Variants in PITPNM2 observed in about 807,000 individuals in gnomAD.
PITPNM2 encodes membrane-associated phosphatidylinositol transfer protein 2.
A neutral mutation model predicts 132.2 loss-of-function variants in PITPNM2; 35 were observed. That is an observed-to-expected ratio of 0.26 (90% CI 0.20 to 0.35). The LOEUF (loss-of-function observed/expected upper bound fraction) is 0.35, where lower values mean the gene tolerates loss of function less well. Ranked by LOEUF, PITPNM2 falls within the 10% of genes least tolerant of loss-of-function variation. The pLI is 1.00. For missense variants in PITPNM2, 1,332 were observed against 1,912.0 expected, an observed-to-expected ratio of 0.70 and a Z score of 5.66; for synonymous variants, 738 against 799.2, an observed-to-expected ratio of 0.92 and a Z score of 1.29.
intron 3 of PITPNM2, among the ~76,000 whole-genome samples, chr12:123,015,948 A>C (rs2039409900): frequency 6.6e-6 from 1 of 152,218 alleles, no homozygotes; most frequent in African/African-American, 2.4e-5. Context: ...TTGAATAGCC[A>C]TTTCTCCAAA....
At chr12:123,049,263 G>A (rs967085842) in intron 2 of PITPNM2, among the ~76,000 whole-genome samples, 1 of 152,218 alleles carries the variant, frequency 6.6e-6, no homozygotes, top group Non-Finnish European at 1.5e-5. Flanking sequence ...TCCCAAGCGT[G>A]CTTGTCCAGG....
rs939863275 is a variant in PITPNM2, at chr12:123,008,012, A to G, written c.643+1838T>C. Reference sequence around the variant, plus strand: ...ACACCCCATCTTCAGTTCTGAACCCACGGTCTCGGCCCACAACAGTCCGAT... The same window carrying G: ...ACACCCCATCTTCAGTTCTGAACCCGCGGTCTCGGCCCACAACAGTCCGAT... On this transcript the variant is annotated intron_variant, in intron 6 of 25. Coordinates refer to ENST00000320201, the MANE Select transcript of PITPNM2 (RefSeq NM_020845.3). The surrounding 1 kb of genome is among the most constrained non-coding windows in gnomAD (Gnocchi z 4.1). Among the ~76,000 whole-genome samples, 3 of 152,114 alleles carry G rather than the reference A, an allele frequency of 2.0e-5. No individual in the cohort carries two copies. Among genetic ancestry groups the G allele is most frequent in the Non-Finnish European group, 4.4e-5 (3 of 68,030 alleles).
chr12:122,998,244 G>A (rs764864380), intron 10 of PITPNM2, among the ~76,000 whole-genome samples: 17 of 152,292 alleles, frequency 1.1e-4, no homozygotes, highest in Admixed American at 3.3e-4. Context: ...TGGTGGGGAC[G>A]GAGCCCCAGC....
intron 1 of PITPNM2, among the ~76,000 whole-genome samples, chr12:123,119,094 T>C (rs76439963): frequency 1.5e-3 from 221 of 152,246 alleles, no homozygotes; most frequent in African/African-American, 5.1e-3. Flanking sequence ...AGCCTAACTA[T>C]TCCCTTTACC....
At chr12:123,038,262 C>G (rs954840508) in intron 2 of PITPNM2, among the ~76,000 whole-genome samples, 1 of 152,186 alleles carries the variant, frequency 6.6e-6, no homozygotes, top group East Asian at 1.9e-4. Flanking sequence ...ATAAATCGTT[C>G]TATATCTTAC....
At position 123,010,125 on chromosome 12, in the gene PITPNM2, C is replaced by T. The variant is rs1418921543; in HGVS notation, c.416-48G>A. 2.1e-6 allele frequency: 3 copies of T among 1,447,628 alleles called. No individual in the cohort carries two copies. In the Admixed American group the frequency reaches 5.1e-5, roughly 25 times the overall value. The allele number at this position is 1,447,628 out of a possible 1,614,324, so 89.7% of individuals were successfully genotyped here. The stretch of plus-strand genomic sequence containing the variant: ...GCCACTTCTGCCCTGACCTCAACCC[C>T]CACCCACATCTCTCCATGTTCCTCC... On this transcript the variant is annotated intron_variant, in intron 5 of 25. Coordinates refer to ENST00000320201, the MANE Select transcript of PITPNM2 (RefSeq NM_020845.3).
At chr12:123,122,010 C>A (rs2043042967) in intron 1 of PITPNM2, among the ~76,000 whole-genome samples, 1 of 152,194 alleles carries the variant, frequency 6.6e-6, no homozygotes, top group Non-Finnish European at 1.5e-5. Flanking sequence ...CAGGCACACA[C>A]CGCCATGCCC....
At position 122,985,840 on chromosome 12, in the gene PITPNM2, C is replaced by T. The variant is rs1364281270; in HGVS notation, c.*187G>A. 5 of 510,950 alleles carry T rather than the reference C, an allele frequency of 9.8e-6. No homozygotes were observed. Among genetic ancestry groups the T allele is most frequent in the Non-Finnish European group, 1.6e-5 (5 of 316,906 alleles). The allele number at this position is 510,950 out of a possible 1,614,324, so 31.7% of individuals were successfully genotyped here. A position where few individuals can be genotyped will look rare whatever the true frequency, so the allele number is the denominator to read the frequency against. On this transcript the variant is annotated 3_prime_UTR_variant, in exon 26 of 26. Coordinates refer to ENST00000320201, the MANE Select transcript of PITPNM2 (RefSeq NM_020845.3). ...GTCCCTGCCAGCTTCCATGACAAGC[C>T]GGACCCGTCAGGCCCGAGGACGTGA...
chr12:122,984,786 G>A lies in PITPNM2; in HGVS notation c.*1241C>T, dbSNP rs1467821157. On this transcript the variant is annotated 3_prime_UTR_variant, in exon 26 of 26. Transcript: ENST00000320201. ...TCCGGGAAAGCCGAGGAGCAGCAGA[G>A]GGGCCGCCGGAGCTGGCCGTTGAGC... The A allele has an allele frequency of 6.6e-6, 1 of 152,372 alleles. No individual in the cohort carries two copies. Among genetic ancestry groups the A allele is most frequent in the Admixed American group, 6.5e-5 (1 of 15,290 alleles). 9.4% of individuals were successfully genotyped at this position (152,372 alleles called of 1,614,324 possible). A position where few individuals can be genotyped will look rare whatever the true frequency, so the allele number is the denominator to read the frequency against.
chr12:123,141,438 C>T (rs1364469411), intron 1 of PITPNM2, among the ~76,000 whole-genome samples: 3 of 152,186 alleles, frequency 2.0e-5, no homozygotes, highest in African/African-American at 7.2e-5. Context: ...CACTACCATG[C>T]CACTGGGCCT....
intron 2 of PITPNM2, among the ~76,000 whole-genome samples, chr12:123,107,953 G>A (rs2042755233): frequency 6.6e-6 from 1 of 152,228 alleles, no homozygotes; most frequent in African/African-American, 2.4e-5. Flanking sequence ...ACAGAGGGAG[G>A]AAGGAGAGGC....
At chr12:123,094,869 C>G (rs1053465099) in intron 2 of PITPNM2, among the ~76,000 whole-genome samples, 1 of 152,186 alleles carries the variant, frequency 6.6e-6, no homozygotes, top group Non-Finnish European at 1.5e-5. Flanking sequence ...ATCACATCTA[C>G]CCCCAGGGCA....
chr12:123,097,721 G>A lies in PITPNM2; in HGVS notation c.-96+12664C>T, dbSNP rs1240587673. On this transcript the variant is annotated intron_variant, in intron 2 of 25. Transcript: ENST00000320201. The surrounding 1 kb of genome is among the most constrained non-coding windows in gnomAD (Gnocchi z 4.7). ...TTTTCAATCTGTGCCTATATTTATC[G>A]CCCAAAGCCGCTGGGATAATGGCAA... 2.0e-5 allele frequency among the ~76,000 whole-genome samples: 3 copies of A among 152,114 alleles called. No individual in the cohort carries two copies. The highest frequency in any genetic ancestry group is 4.4e-5 in the Non-Finnish European group (3 of 68,032).
In PITPNM2 at chr12:123,106,572, G is replaced by A. The variant is rs1038407174; in HGVS notation, c.-96+3813C>T. On this transcript the variant is annotated intron_variant, in intron 2 of 25. Coordinates refer to ENST00000320201, the MANE Select transcript of PITPNM2 (RefSeq NM_020845.3). The surrounding 1 kb of genome is among the most constrained non-coding windows in gnomAD (Gnocchi z 4.4). The stretch of plus-strand genomic sequence containing the variant: ...TTCTGGCTAAAGCCCTGCGTACTGA[G>A]CAGCGTCAGGTGTGTGTCAAAGAAC... Among the ~76,000 whole-genome samples the A allele has an allele frequency of 1.3e-5, 2 of 152,228 alleles. No individual in the cohort carries two copies. Among genetic ancestry groups the A allele is most frequent in the African/African-American group, 4.8e-5 (2 of 41,448 alleles).
At position 122,986,250 on chromosome 12, in the gene PITPNM2, C is replaced by G; in HGVS notation, c.3827G>C (p.Gly1276Ala). ...GCCCTGGCCGGGCAGGCCGAAGCTG[C>G]CCTTGCGCAGCGCCATGCGGGTGGC... ...NTATRMALRK[G>A]SFGLPGQGDF... Residue 1276 changes from glycine (G) to alanine (A), a missense_variant, in exon 26 of 26, where the codon GGC (glycine) becomes GCC (alanine). Gly to Ala is a moderately conservative substitution (Grantham distance 60, BLOSUM62 0). Coordinates refer to ENST00000320201, the MANE Select transcript of PITPNM2 (RefSeq NM_020845.3). 6.3e-7 allele frequency: 1 copy of G among 1,579,404 alleles called. No homozygotes were observed. Among genetic ancestry groups the G allele is most frequent in the Non-Finnish European group, 8.6e-7 (1 of 1,167,502 alleles).
chr12:123,041,215 T>A (rs1293787748), intron 2 of PITPNM2, among the ~76,000 whole-genome samples: 1 of 152,188 alleles, frequency 6.6e-6, no homozygotes, highest in Non-Finnish European at 1.5e-5. Context: ...GTGATGCACA[T>A]GAAGTGCTCA....
chr12:123,106,355 T>A lies in PITPNM2; in HGVS notation c.-96+4030A>T, dbSNP rs1027361895. ...GTGAGCCATGATCACACCACTGCAC[T>A]CCAGCCTGGGTGGCAGAGCAAGACT... On this transcript the variant is annotated intron_variant, in intron 2 of 25. Transcript: ENST00000320201. This position sits in a 1 kb window ranked among gnomAD's most constrained non-coding sequence, Gnocchi z 4.4. 6.6e-6 allele frequency among the ~76,000 whole-genome samples: 1 copy of A among 151,778 alleles called. No individual in the cohort carries two copies. Among genetic ancestry groups the A allele is most frequent in the African/African-American group, 2.4e-5 (1 of 41,266 alleles).
rs758763175 is a variant in PITPNM2, at chr12:122,996,714, G to A, written c.1662+7C>T. 4 of 1,611,164 alleles carry A rather than the reference G, an allele frequency of 2.5e-6. No homozygotes were observed. The South Asian group carries it at 4.4e-5, about 18-fold the overall frequency. On this transcript the variant is annotated splice_region_variant and intron_variant, in intron 12 of 25. Coordinates refer to ENST00000320201, the MANE Select transcript of PITPNM2 (RefSeq NM_020845.3). The stretch of plus-strand genomic sequence containing the variant: ...CTCCTCCCCTCCCCAACTTCCCCGG[G>A]ACTCACCTGCCCATTGAAGGTCATG...
intron 2 of PITPNM2, among the ~76,000 whole-genome samples, chr12:123,105,949 T>A (rs2042699635): frequency 6.6e-6 from 1 of 152,078 alleles, no homozygotes; most frequent in Admixed American, 6.5e-5. Flanking sequence ...TCACATGCCC[T>A]CAGGTAGGCC....
Sources: allele counts gnomAD v4.1 joint callset (sites outside exome capture counted in the v4.1 genomes callset), GRCh38; gene constraint gnomAD v4.1.1; non-coding constraint Gnocchi (gnomAD v3.1); transcripts MANE v1.5; gene names NCBI Gene and HGNC (gene_info 2026-07-23, HGNC 2026-07-21).